The following LRRTM4 variants were observed in gnomAD, a reference collection of about 807,000 sequenced individuals.
The protein encoded by LRRTM4 is leucine rich repeat transmembrane neuronal 4, also known as leucine-rich repeat transmembrane neuronal protein 4.
LRRTM4 carries 25 observed loss-of-function variants against 47.6 expected under a neutral mutation model. The observed-to-expected ratio is 0.53, with a 90% CI of 0.38 to 0.73. LRRTM4 has a LOEUF of 0.73. Among genes scored for constraint, LRRTM4 ranks in the 30% least tolerant of loss-of-function variants. The probability of loss-of-function intolerance (pLI) is 0.00; values close to 1 mark genes in which losing one functional copy is unlikely to be tolerated. For missense variants in LRRTM4, 638 were observed against 713.4 expected, an observed-to-expected ratio of 0.89 and a Z score of 1.20; for synonymous variants, 311 against 269.5, an observed-to-expected ratio of 1.15 and a Z score of -1.51.
chr2:77,475,674 T>G (rs905858362), intron 3 of LRRTM4, among the ~76,000 whole-genome samples: 1 of 151,842 alleles, frequency 6.6e-6, no homozygotes, highest in Non-Finnish European at 1.5e-5. Context: ...ATTGACATGT[T>G]CCCTCACTAA....
intron 3 of LRRTM4, among the ~76,000 whole-genome samples, chr2:77,494,077 T>C (rs1678268465): frequency 6.6e-6 from 1 of 152,144 alleles, no homozygotes; most frequent in South Asian, 2.1e-4. Context: ...ATTGCATAGT[T>C]ATGTGATAAA....
At chr2:77,182,164 A>G (rs1673365109) in intron 3 of LRRTM4, among the ~76,000 whole-genome samples, 1 of 152,226 alleles carries the variant, frequency 6.6e-6, no homozygotes, top group Admixed American at 6.5e-5. Context: ...AAGACATGGA[A>G]TCAACCTAAA....
intron 3 of LRRTM4, among the ~76,000 whole-genome samples, chr2:77,067,579 A>G (rs999239086): frequency 1.3e-5 from 2 of 152,098 alleles, no homozygotes; most frequent in Non-Finnish European, 2.9e-5. Flanking sequence ...AATGATTTAG[A>G]AAGTTAGAAC....
intron 3 of LRRTM4, among the ~76,000 whole-genome samples, chr2:77,024,811 C>G (rs1004960120): frequency 1.3e-5 from 2 of 152,072 alleles, no homozygotes; most frequent in Admixed American, 1.3e-4. Context: ...ATTTTAAACA[C>G]TGAATCTAGT....
At chr2:77,480,822 G>GTGTGTGGAGA (rs1222517611) in intron 3 of LRRTM4, among the ~76,000 whole-genome samples, 1 of 74,498 alleles carries the variant, frequency 1.3e-5, no homozygotes, top group South Asian at 5.7e-4. Context: ...GTGTGTGTGT[G>GTGTGTGGAGA]GAGAGAGAGA....
chr2:77,044,219 C>T (rs538667957), intron 3 of LRRTM4, among the ~76,000 whole-genome samples: 1 of 151,678 alleles, frequency 6.6e-6, no homozygotes, highest in East Asian at 1.9e-4. Context: ...ACCTGAGTAC[C>T]CTGAACACTT....
chr2:77,236,484 A>AT lies in LRRTM4; in HGVS notation c.1551+281833dup, dbSNP rs559867769. Among the ~76,000 whole-genome samples, 667 of 147,420 alleles carry AT rather than the reference A, an allele frequency of 4.5e-3. 1 individual carries two copies. Among genetic ancestry groups the AT allele is most frequent in the African/African-American group, 0.013 (531 of 40,262 alleles). On this transcript the variant is annotated intron_variant, in intron 3 of 3. Coordinates refer to ENST00000409884, the MANE Select transcript of LRRTM4 (RefSeq NM_001134745.3). ...TTGCCAAGAGAGATAGCCTCACTTC[A>AT]TTTTTTTTTTCCATTTGGATGCCTT...
At chr2:77,491,412 T>C (rs1264497629) in intron 3 of LRRTM4, among the ~76,000 whole-genome samples, 5 of 151,984 alleles carry the variant, frequency 3.3e-5, no homozygotes, top group Non-Finnish European at 7.4e-5. Context: ...AAAAATTCAA[T>C]ATATAGATTA....
rs1050990220 is a variant in LRRTM4 at position 76,779,707 on chromosome 2, C to G, written c.1552-30791G>C. 1.5e-3 allele frequency among the ~76,000 whole-genome samples: 223 copies of G among 152,090 alleles called. 1 individual carries two copies. Among genetic ancestry groups the G allele is most frequent in the Non-Finnish European group, 2.6e-3 (180 of 67,972 alleles). On this transcript the variant is annotated intron_variant, in intron 3 of 3. Coordinates refer to ENST00000409884, the MANE Select transcript of LRRTM4 (RefSeq NM_001134745.3). The stretch of plus-strand genomic sequence containing the variant: ...TACAGCACACTGATGGGTCTTGACT[C>G]TTTATCCAATTTGCCAGTCTGTGTC...
intron 3 of LRRTM4, among the ~76,000 whole-genome samples, chr2:77,223,518 A>G (rs1674707798): frequency 1.3e-5 from 2 of 152,228 alleles, no homozygotes; most frequent in South Asian, 4.1e-4. Flanking sequence ...AAGTCTCAGG[A>G]TACAAAATCA....
At chr2:77,086,999 G>A (rs1409939337) in intron 3 of LRRTM4, among the ~76,000 whole-genome samples, 1 of 152,114 alleles carries the variant, frequency 6.6e-6, no homozygotes, top group African/African-American at 2.4e-5. Flanking sequence ...CCTTGTAGCT[G>A]AGCTCCCAGC....
intron 3 of LRRTM4, among the ~76,000 whole-genome samples, chr2:76,773,979 T>C (rs1673836354): frequency 6.6e-6 from 1 of 152,016 alleles, no homozygotes; most frequent in South Asian, 2.1e-4. Flanking sequence ...AAAAAATATA[T>C]AGCGGATCTT....
rs554691935 is a variant in LRRTM4 at position 76,900,870 on chromosome 2, T to C, written c.1552-151954A>G. ...TCCTCTGACATTTAATTAACACTCA[T>C]TGGATTGAATAATGTTGATTAGAAG... On this transcript the variant is annotated intron_variant, in intron 3 of 3. Coordinates refer to ENST00000409884, the MANE Select transcript of LRRTM4 (RefSeq NM_001134745.3). Among the ~76,000 whole-genome samples the C allele has an allele frequency of 1.4e-4, 22 of 152,270 alleles. No individual in the cohort carries two copies. The East Asian group carries it at 2.7e-3, about 19-fold the overall frequency.
At chr2:77,339,102 G>A (rs562585784) in intron 3 of LRRTM4, among the ~76,000 whole-genome samples, 2 of 151,612 alleles carry the variant, frequency 1.3e-5, no homozygotes. Flanking sequence ...CCAAAAAGAG[G>A]GAATGAAGGG....
intron 3 of LRRTM4, among the ~76,000 whole-genome samples, chr2:76,774,030 T>C (rs1222951799): frequency 6.6e-6 from 1 of 152,162 alleles, no homozygotes; most frequent in Non-Finnish European, 1.5e-5. Context: ...TCAAAATCCA[T>C]ATATATCTTT....
At chr2:77,219,934 A>G (rs1441310836) in intron 3 of LRRTM4, among the ~76,000 whole-genome samples, 1 of 152,172 alleles carries the variant, frequency 6.6e-6, no homozygotes, top group Admixed American at 6.5e-5. Context: ...ACCCCCGAGT[A>G]GCCTAACTGG....
At chr2:77,385,904 C>T (rs1284417040) in intron 3 of LRRTM4, among the ~76,000 whole-genome samples, 2 of 151,348 alleles carry the variant, frequency 1.3e-5, no homozygotes, top group Non-Finnish European at 3.0e-5. Flanking sequence ...CCTGCCACCA[C>T]TCCTGGCTAT....
At chr2:77,439,610 T>A (rs572957345) in intron 3 of LRRTM4, among the ~76,000 whole-genome samples, 1 of 152,208 alleles carries the variant, frequency 6.6e-6, no homozygotes, top group South Asian at 2.1e-4. Flanking sequence ...TTTCCCTATT[T>A]TATTAATCTC....
chr2:77,235,308 T>C (rs1337518563), intron 3 of LRRTM4, among the ~76,000 whole-genome samples: 2 of 152,148 alleles, frequency 1.3e-5, no homozygotes, highest in African/African-American at 4.8e-5. Context: ...TTTTTTCATG[T>C]TTGTTGGCTG....
Sources: gnomAD v4.1 joint callset for allele counts (sites outside exome capture counted in the v4.1 genomes callset) on GRCh38, gnomAD v4.1.1 for gene constraint, MANE v1.5 for transcripts, NCBI Gene and HGNC (gene_info 2026-07-23, HGNC 2026-07-21) for gene names.